Variants in SLC28A1 observed in about 807,000 individuals in gnomAD.
SLC28A1 encodes sodium/nucleoside cotransporter 1.
Under a neutral mutation model 74.8 loss-of-function variants are expected in SLC28A1, and 64 were observed. The observed-to-expected ratio is 0.86, with a 90% CI of 0.70 to 1.05. SLC28A1 has a LOEUF of 1.05. Ranked by LOEUF, SLC28A1 falls within the 50% of genes least tolerant of loss-of-function variation. The probability of loss-of-function intolerance (pLI) is 0.00; values close to 1 mark genes in which losing one functional copy is unlikely to be tolerated. For missense variants in SLC28A1, 828 were observed against 822.8 expected (o/e 1.01, Z -0.08); for synonymous variants, 359 against 335.0 (o/e 1.07, Z -0.78).
chr15:84,906,412 C>A (rs1967119116), intron 8 of SLC28A1, among the ~76,000 whole-genome samples: 1 of 151,880 alleles, frequency 6.6e-6, no homozygotes, highest in Non-Finnish European at 1.5e-5. Flanking sequence ...ACATCCTGGG[C>A]TCAAGTGATC....
chr15:84,963,592 C>T, the SLC28A1 span, among the ~76,000 whole-genome samples: 1 of 152,156 alleles, frequency 6.6e-6, no homozygotes, highest in Admixed American at 6.5e-5. Flanking sequence ...TCAGCTCTGG[C>T]ATGGCCAGGG....
At chr15:84,908,600 T>A in intron 8 of SLC28A1, 118 bp from the exon 9 acceptor site, 2 of 800,926 alleles carry the variant, frequency 2.5e-6, no homozygotes, top group Non-Finnish European at 2.1e-6. Context: ...CCCCCCCGGA[T>A]AAGGGCCTGG....
chr15:84,953,788 C>T, the SLC28A1 span, among the ~76,000 whole-genome samples: 14,738 of 152,214 alleles, frequency 0.097, 881 homozygotes, highest in Admixed American at 0.22. Flanking sequence ...TGATTTACCT[C>T]ATTTGTAAAA....
chr15:84,926,184 C>A (rs1224971876), intron 12 of SLC28A1, among the ~76,000 whole-genome samples: 1 of 149,384 alleles, frequency 6.7e-6, no homozygotes, highest in African/African-American at 2.5e-5. Context: ...TTTTTAACTC[C>A]CCACATGACA....
intron 1 of SLC28A1, 58 bp downstream of exon 1, chr15:84,884,809 G>A (rs1964391020): frequency 1.1e-6 from 1 of 901,866 alleles, no homozygotes; most frequent in Middle Eastern, 5.8e-4. Context: ...AGGAGGGGAA[G>A]GGGGTAGCAC....
At chr15:84,971,031 A>C in the SLC28A1 span, among the ~76,000 whole-genome samples, 1 of 152,112 alleles carries the variant, frequency 6.6e-6, no homozygotes, top group African/African-American at 2.4e-5. Context: ...GCAGGTTCAA[A>C]TGCCATCACT....
At position 84,944,763 on chromosome 15, in the gene SLC28A1, C is replaced by G. The variant is rs988224649; in HGVS notation, c.1770C>G (p.Leu590=). 4 of 1,613,510 alleles carry G rather than the reference C, an allele frequency of 2.5e-6. No homozygotes were observed. The highest frequency in any genetic ancestry group is 3.4e-6 in the Non-Finnish European group (4 of 1,179,436). ...ACCACTTTCCCTCTACAGGGATCCT[C>G]TACATGCCCAGGGGGGCTGAAGTTG... ...SLVNACMAGI[L]YMPRGAEVDC... is the part of the protein sequence containing the mutation. The change falls in exon 18 of 19, where the codon CTC becomes CTG. Residue 590 remains leucine (L), a synonymous_variant. Coordinates refer to ENST00000394573, the MANE Select transcript of SLC28A1 (RefSeq NM_004213.5).
chr15:84,934,597 C>T (rs1416457612), intron 13 of SLC28A1, among the ~76,000 whole-genome samples: 1 of 152,186 alleles, frequency 6.6e-6, no homozygotes, highest in African/African-American at 2.4e-5. Flanking sequence ...AGGCGCCTGT[C>T]ATTTTCTAGT....
At chr15:84,961,530 G>A in the SLC28A1 span, 18 of 453,806 alleles carry the variant, frequency 4.0e-5, no homozygotes, top group African/African-American at 2.8e-4. Flanking sequence ...TTGTAGAGAC[G>A]AGGTCTTGCT....
At chr15:84,959,794 C>T in the SLC28A1 span, among the ~76,000 whole-genome samples, 1 of 152,148 alleles carries the variant, frequency 6.6e-6, no homozygotes, top group Admixed American at 6.5e-5. Context: ...ACCCTCCATT[C>T]CTTTTTGTTT....
chr15:84,896,057 T>A, intron 6 of SLC28A1: 2 of 626,456 alleles, frequency 3.2e-6, no homozygotes, highest in Non-Finnish European at 4.0e-6. Context: ...TGGTCTTCTG[T>A]GACAAGTCAT....
chr15:84,910,280 A>G (rs901019510), intron 9 of SLC28A1, among the ~76,000 whole-genome samples: 2 of 152,220 alleles, frequency 1.3e-5, no homozygotes, highest in Admixed American at 1.3e-4. Flanking sequence ...CCCTAATACC[A>G]TATTCCTTTA....
chr15:84,919,642 C>A (rs1214639318), intron 10 of SLC28A1, among the ~76,000 whole-genome samples: 2 of 152,138 alleles, frequency 1.3e-5, no homozygotes, highest in South Asian at 4.1e-4. Flanking sequence ...CCAAACTTAT[C>A]CTTTTTATCA....
At chr15:84,964,408 A>G in the SLC28A1 span, among the ~76,000 whole-genome samples, 2 of 152,244 alleles carry the variant, frequency 1.3e-5, no homozygotes, top group Non-Finnish European at 2.9e-5. Flanking sequence ...CAGCAGGAGC[A>G]GCTGCACAGA....
chr15:84,964,603 G>A, the SLC28A1 span, among the ~76,000 whole-genome samples: 1 of 152,174 alleles, frequency 6.6e-6, no homozygotes, highest in Non-Finnish European at 1.5e-5. Flanking sequence ...GTTAATCCAG[G>A]CATCAATGAT....
chr15:84,931,864 T>G (rs1435457770), intron 12 of SLC28A1, among the ~76,000 whole-genome samples: 2 of 151,620 alleles, frequency 1.3e-5, no homozygotes, highest in African/African-American at 2.4e-5. Flanking sequence ...TAGCCGGGCG[T>G]GGTGGTGCAC....
intron 9 of SLC28A1, 36 bp from the exon 10 acceptor site, chr15:84,918,488 C>T (rs1195490048): frequency 6.4e-7 from 1 of 1,573,690 alleles, no homozygotes; most frequent in Non-Finnish European, 8.7e-7. Flanking sequence ...TCCTGCCTGC[C>T]TCTAACCTGC....
intron 15 of SLC28A1, 61 bp downstream of exon 15, chr15:84,935,579 G>T: frequency 7.0e-7 from 1 of 1,429,596 alleles, no homozygotes; most frequent in Non-Finnish European, 9.8e-7. Flanking sequence ...ACTCCTCAGG[G>T]CCCCTGGCAG....
At chr15:84,901,635 G>C (rs1966705117) in intron 6 of SLC28A1, among the ~76,000 whole-genome samples, 1 of 152,208 alleles carries the variant, frequency 6.6e-6, no homozygotes, top group African/African-American at 2.4e-5. Context: ...TTTATCAGTA[G>C]AGAAATGCAA....
Sources: gnomAD v4.1 joint callset for allele counts (sites outside exome capture counted in the v4.1 genomes callset) on GRCh38, gnomAD v4.1.1 for gene constraint, MANE v1.5 for transcripts, NCBI Gene and HGNC (gene_info 2026-07-23, HGNC 2026-07-21) for gene names.